The following WDR64 variants were observed in gnomAD, a reference collection of about 807,000 sequenced individuals.
The protein encoded by WDR64 is WD repeat domain 64.
A neutral mutation model predicts 139.3 loss-of-function variants in WDR64; 112 were observed. The observed-to-expected ratio is 0.80, with a 90% CI of 0.69 to 0.94. WDR64 has a LOEUF of 0.94. Ranked by LOEUF, WDR64 falls within the 40% of genes least tolerant of loss-of-function variation. The probability of loss-of-function intolerance (pLI) is 0.00; values close to 1 mark genes in which losing one functional copy is unlikely to be tolerated. For synonymous variants in WDR64, 444 were observed against 437.7 expected (o/e 1.01, Z -0.18); for missense variants, 1,206 against 1,293.1 (o/e 0.93, Z 1.03).
At chr1:241,722,025 CTG>C (rs34135566) in intron 9 of WDR64, among the ~76,000 whole-genome samples, 67,295 of 150,620 alleles carry the variant, frequency 0.45, 15,041 homozygotes, top group African/African-American at 0.49. Context: ...TTTCATAAAA[CTG>C]TGTGTGTGTG....
At chr1:241,766,192 G>C in intron 15 of WDR64, 26 bp from the exon 16 acceptor site, 2 of 1,610,544 alleles carry the variant, frequency 1.2e-6, no homozygotes, top group Middle Eastern at 1.7e-4. Context: ...CTATATTTAT[G>C]GTGTTCTGTT....
chr1:241,748,924 T>C lies in WDR64; in HGVS notation c.1595-623T>C, dbSNP rs188449899. 9.2e-4 allele frequency among the ~76,000 whole-genome samples: 129 copies of C among 140,010 alleles called. 1 individual carries two copies. In the East Asian group the frequency reaches 0.023, roughly 25 times the overall value. The allele number at this position is 140,010 out of a possible 152,430, so 91.9% of individuals were successfully genotyped here. A position where few individuals can be genotyped will look rare whatever the true frequency, so the allele number is the denominator to read the frequency against. On this transcript the variant is annotated intron_variant, in intron 13 of 27. Transcript: ENST00000437684. ...CTGCACTCCAGCCTGGGTGACAGAGTGAGACTCTTGTCTTAAAAAAAAAAA... is the reference window on the plus strand; with the variant it reads ...CTGCACTCCAGCCTGGGTGACAGAGCGAGACTCTTGTCTTAAAAAAAAAAA...
At chr1:241,801,046 G>GA (rs1241070358) in intron 27 of WDR64, 86 bp from the exon 28 acceptor site, 2 of 1,013,862 alleles carry the variant, frequency 2.0e-6, no homozygotes, top group African/African-American at 1.6e-5. Context: ...AAATCTCTAT[G>GA]TAAATTAGCA....
At chr1:241,738,311 G>T in intron 10 of WDR64, 52 bp from the exon 11 acceptor site, 1 of 1,576,896 alleles carries the variant, frequency 6.3e-7, no homozygotes, top group Non-Finnish European at 8.6e-7. Flanking sequence ...AAATATCTTG[G>T]GTGAGAAAGG....
intron 7 of WDR64, among the ~76,000 whole-genome samples, 166 bp from the exon 8 acceptor site, chr1:241,687,295 G>T (rs1667042419): frequency 7.5e-6 from 1 of 132,874 alleles, no homozygotes. Flanking sequence ...GAGAGAGCAA[G>T]ACTCCATCTA....
At chr1:241,745,404 A>T (rs1210917011) in intron 13 of WDR64, among the ~76,000 whole-genome samples, 1 of 151,838 alleles carries the variant, frequency 6.6e-6, no homozygotes, top group Admixed American at 6.6e-5. Context: ...TTCCATAAGC[A>T]CACCCTGCAT....
At chr1:241,773,562 C>T (rs1372693955) in intron 20 of WDR64, among the ~76,000 whole-genome samples, 2 of 152,138 alleles carry the variant, frequency 1.3e-5, no homozygotes, top group Non-Finnish European at 2.9e-5. Flanking sequence ...CTCCACCCCT[C>T]GGTTCAAGCG....
chr1:241,733,454 G>A lies in WDR64; in HGVS notation c.1195-4909G>A, dbSNP rs1041541857. 1.3e-4 allele frequency among the ~76,000 whole-genome samples: 20 copies of A among 151,422 alleles called. No individual in the cohort carries two copies. In the East Asian group the frequency reaches 2.7e-3, roughly 21 times the overall value. The stretch of plus-strand genomic sequence containing the variant: ...CATGCCATTGCACTCCAGCCTGGGC[G>A]ACAAGAGCAAAACTCTGTCTCAAAA... On this transcript the variant is annotated intron_variant, in intron 10 of 27. Coordinates refer to ENST00000437684, the MANE Select transcript of WDR64 (RefSeq NM_001367482.1).
chr1:241,791,070 T>C (rs1417240121), intron 25 of WDR64, among the ~76,000 whole-genome samples: 1 of 151,982 alleles, frequency 6.6e-6, no homozygotes, highest in Non-Finnish European at 1.5e-5. Context: ...GTGGATCACC[T>C]GAGGTCAGGA....
intron 22 of WDR64, among the ~76,000 whole-genome samples, chr1:241,780,643 T>C (rs1447583150): frequency 6.6e-6 from 1 of 152,226 alleles, no homozygotes; most frequent in East Asian, 1.9e-4. Flanking sequence ...GGGGTTTATG[T>C]TGATTAGGAT....
chr1:241,704,283 A>G (rs1574024743), intron 8 of WDR64, among the ~76,000 whole-genome samples: 1 of 152,248 alleles, frequency 6.6e-6, no homozygotes, highest in African/African-American at 2.4e-5. Context: ...CACCAAACTG[A>G]TATCTCAATG....
intron 8 of WDR64, among the ~76,000 whole-genome samples, 161 bp downstream of exon 8, chr1:241,687,756 T>C (rs534059878): frequency 2.6e-5 from 4 of 152,314 alleles, no homozygotes; most frequent in South Asian, 4.1e-4. Flanking sequence ...CAGGAAGAAA[T>C]TGAAGCCACT....
chr1:241,740,664 T>TA (rs35725536), intron 11 of WDR64, among the ~76,000 whole-genome samples: 1 of 151,646 alleles, frequency 6.6e-6, no homozygotes, highest in Non-Finnish European at 1.5e-5. Context: ...TTTTTTTTTT[T>TA]AATCTTAATT....
chr1:241,707,170 C>T (rs961899582), intron 8 of WDR64, among the ~76,000 whole-genome samples: 3 of 152,188 alleles, frequency 2.0e-5, no homozygotes, highest in African/African-American at 7.2e-5. Flanking sequence ...GACACTCTCA[C>T]CTCTGTTCTT....
rs1668181944 is a variant in WDR64 at position 241,711,853 on chromosome 1, T to G, written c.1026T>G (p.Cys342Trp). ...GAGGAGCCAACACTTTTTGCTACTG[T>G]GTTAAGGCAAATGTGATTGTCACTG... Reference protein sequence around the residue: ...MPRGANTFCYCVKANVIVTGG... With the variant: ...MPRGANTFCYWVKANVIVTGG... The change falls in exon 9 of 28, where the codon TGT becomes TGG. Residue 342 changes from cysteine (C) to tryptophan (W), a missense_variant. Coordinates refer to ENST00000437684, the MANE Select transcript of WDR64 (RefSeq NM_001367482.1). The G allele has an allele frequency of 6.2e-7, 1 of 1,614,182 alleles. No individual in the cohort carries two copies. The highest frequency in any genetic ancestry group is 8.5e-7 in the Non-Finnish European group (1 of 1,180,034).
At chr1:241,682,836 C>G (rs1666861191) in intron 6 of WDR64, among the ~76,000 whole-genome samples, 1 of 152,146 alleles carries the variant, frequency 6.6e-6, no homozygotes, top group Non-Finnish European at 1.5e-5. Flanking sequence ...GCACTTCTAC[C>G]AGAATAGTAG....
rs115951252 is a variant in WDR64 at position 241,740,907 on chromosome 1, T to C, written c.1322-609T>C. 9.8e-3 allele frequency among the ~76,000 whole-genome samples: 1,494 copies of C among 152,344 alleles called. 27 individuals carry two copies. Among genetic ancestry groups the C allele is most frequent in the African/African-American group, 0.034 (1,429 of 41,580 alleles). ...GTTAATTTTGATACTTATATCATAC[T>C]TAGAAAAATGCAAGTAAAGCATACC... is the stretch of plus-strand genomic sequence containing the variant. On this transcript the variant is annotated intron_variant, in intron 11 of 27. Coordinates refer to ENST00000437684, the MANE Select transcript of WDR64 (RefSeq NM_001367482.1).
At position 241,784,976 on chromosome 1, in the gene WDR64, A is replaced by AAAAAAAAAAAAAAAAAAAAAAAAG. The variant is rs138513526; in HGVS notation, c.2705+1595_2705+1596insAAAAAAAAAAAAAAAAAAAAAAAG. On this transcript the variant is annotated intron_variant, in intron 23 of 27. Coordinates refer to ENST00000437684, the MANE Select transcript of WDR64 (RefSeq NM_001367482.1). Reference sequence around the variant, plus strand: ...CTGAAAAAAAAAAAAAAAAAAAAAAAGAAAGGACATCTGCTGTTTTATTTG... The same window carrying AAAAAAAAAAAAAAAAAAAAAAAAG: ...CTGAAAAAAAAAAAAAAAAAAAAAAAAAAAAAAAAAAAAAAAAAAAAAAGGAAAGGACATCTGCTGTTTTATTTG... Among the ~76,000 whole-genome samples the AAAAAAAAAAAAAAAAAAAAAAAAG allele has an allele frequency of 1.2e-3, 120 of 98,436 alleles. 15 individuals carry two copies. Among genetic ancestry groups the AAAAAAAAAAAAAAAAAAAAAAAAG allele is most frequent in the Non-Finnish European group, 1.6e-3 (75 of 47,562 alleles). The allele number at this position is 98,436 out of a possible 152,430, so 64.6% of individuals were successfully genotyped here.
rs759270876 is a variant in WDR64, at chr1:241,652,331, T to C, written c.-154T>C. 13 of 717,046 alleles carry C rather than the reference T, an allele frequency of 1.8e-5. No homozygotes were observed. Among genetic ancestry groups the C allele is most frequent in the Non-Finnish European group, 2.7e-5 (12 of 445,952 alleles). The allele number at this position is 717,046 out of a possible 1,614,324, so 44.4% of individuals were successfully genotyped here. On this transcript the variant is annotated 5_prime_UTR_variant, in exon 1 of 28. Transcript: ENST00000437684. ...CTAACATCCTAGTGGCAACTCTTAC[T>C]CCTACCCGCACTATGGGATTTTAAG... is the stretch of plus-strand genomic sequence containing the variant.
Sources: gnomAD v4.1 joint callset for allele counts (sites outside exome capture counted in the v4.1 genomes callset) on GRCh38, gnomAD v4.1.1 for gene constraint, MANE v1.5 for transcripts, NCBI Gene and HGNC (gene_info 2026-07-23, HGNC 2026-07-21) for gene names.